The following CDH6 variants were observed in gnomAD, a reference collection of about 807,000 sequenced individuals.
The protein encoded by CDH6 is cadherin-6.
Under a neutral mutation model 78.0 loss-of-function variants are expected in CDH6, and 31 were observed. The ratio of observed to expected loss-of-function variants is 0.40; its 90% CI spans 0.30 to 0.54. The LOEUF (loss-of-function observed/expected upper bound fraction) is 0.54. Among genes scored for constraint, CDH6 ranks in the 20% least tolerant of loss-of-function variants. The pLI, the probability that CDH6 is intolerant of heterozygous loss-of-function variation, is 0.56. For synonymous variants in CDH6, 376 were observed against 368.8 expected, an observed-to-expected ratio of 1.02 and a Z score of -0.23; for missense variants, 724 against 975.9, an observed-to-expected ratio of 0.74 and a Z score of 3.44.
intron 1 of CDH6, among the ~76,000 whole-genome samples, chr5:31,194,089 T>C (rs1401485697): frequency 6.6e-6 from 1 of 151,656 alleles, no homozygotes; most frequent in African/African-American, 2.4e-5. Flanking sequence ...CTGCCGCTGC[T>C]CAGGACCGAC....
chr5:31,311,617 GAAGAA>G (rs1252150448), intron 7 of CDH6, among the ~76,000 whole-genome samples: 1 of 152,186 alleles, frequency 6.6e-6, no homozygotes, highest in Admixed American at 6.5e-5. Flanking sequence ...CGTAATTTGT[GAAGAA>G]AAGAGGCTTA....
intron 1 of CDH6, among the ~76,000 whole-genome samples, chr5:31,213,324 G>A (rs972679805): frequency 1.3e-5 from 2 of 152,188 alleles, no homozygotes; most frequent in Non-Finnish European, 2.9e-5. Context: ...TTTACTGCAA[G>A]GATGAAATGC....
At chr5:31,244,909 A>G (rs1748900506) in intron 1 of CDH6, among the ~76,000 whole-genome samples, 1 of 152,226 alleles carries the variant, frequency 6.6e-6, no homozygotes, top group South Asian at 2.1e-4. Flanking sequence ...CTCTAATCAT[A>G]TACTGAGCCC....
intron 7 of CDH6, among the ~76,000 whole-genome samples, chr5:31,312,019 A>G (rs1465419206): frequency 6.6e-6 from 1 of 152,152 alleles, no homozygotes; most frequent in Non-Finnish European, 1.5e-5. Flanking sequence ...TTTCCCTCAA[A>G]TTTATTCAAA....
chr5:31,276,281 G>A (rs1303409192), intron 2 of CDH6, among the ~76,000 whole-genome samples: 1 of 152,082 alleles, frequency 6.6e-6, no homozygotes, highest in Non-Finnish European at 1.5e-5. Flanking sequence ...ATTCTCAAAG[G>A]CCCATGTAAG....
intron 7 of CDH6, among the ~76,000 whole-genome samples, chr5:31,309,606 C>T (rs1291225426): frequency 6.7e-6 from 1 of 149,120 alleles, no homozygotes; most frequent in Non-Finnish European, 1.5e-5. Context: ...TAATACCCCA[C>T]CCCCACCCTG....
At chr5:31,321,165 C>T (rs1279413500) in intron 11 of CDH6, among the ~76,000 whole-genome samples, 1 of 147,958 alleles carries the variant, frequency 6.8e-6, no homozygotes, top group Non-Finnish European at 1.5e-5. Flanking sequence ...CCCCACCCCA[C>T]CCACCCACTC....
chr5:31,290,889 A>G (rs912142261), intron 2 of CDH6, among the ~76,000 whole-genome samples: 2 of 152,180 alleles, frequency 1.3e-5, no homozygotes, highest in African/African-American at 4.8e-5. Context: ...GATAAATCAG[A>G]ATTGTGATCT....
At chr5:31,321,909 C>A (rs190339386) in intron 11 of CDH6, among the ~76,000 whole-genome samples, 1 of 152,076 alleles carries the variant, frequency 6.6e-6, no homozygotes, top group African/African-American at 2.4e-5. Context: ...ACCCATATGT[C>A]CATTCATAGA....
chr5:31,201,623 T>C (rs1740351009), intron 1 of CDH6, among the ~76,000 whole-genome samples: 1 of 152,152 alleles, frequency 6.6e-6, no homozygotes, highest in African/African-American at 2.4e-5. Flanking sequence ...GGCAAGTAAC[T>C]CAATGTCAAT....
intron 5 of CDH6, among the ~76,000 whole-genome samples, chr5:31,300,203 C>T (rs1435876340): frequency 1.3e-5 from 2 of 152,148 alleles, no homozygotes; most frequent in Non-Finnish European, 2.9e-5. Context: ...GAAGGAAAAA[C>T]AACCTCCATG....
Position 31,269,992 on chromosome 5 carries a change from T to C in CDH6, c.228+2291T>C, listed in dbSNP as rs1158168976. 1.3e-5 allele frequency among the ~76,000 whole-genome samples: 2 copies of C among 152,202 alleles called. 1 individual carries two copies. Among genetic ancestry groups the C allele is most frequent in the Non-Finnish European group, 2.9e-5 (2 of 68,040 alleles). On this transcript the variant is annotated intron_variant, in intron 2 of 11. Transcript: ENST00000265071. ...CTGTTGATATGGCATTTCCTCAAAT[T>C]CCTCTTTGAAGTTATATGATATAAA...
At chr5:31,270,834 T>TA (rs1405581971) in intron 2 of CDH6, among the ~76,000 whole-genome samples, 1 of 152,106 alleles carries the variant, frequency 6.6e-6, no homozygotes, top group Non-Finnish European at 1.5e-5. Flanking sequence ...TAGCTGAGAC[T>TA]ACAGACATGA....
intron 1 of CDH6, among the ~76,000 whole-genome samples, chr5:31,209,800 G>T (rs1316390170): frequency 6.6e-6 from 1 of 152,114 alleles, no homozygotes; most frequent in Non-Finnish European, 1.5e-5. Flanking sequence ...TCTCCCTCCT[G>T]CTATCCTCAG....
At chr5:31,212,774 ACAC>A (rs1379502592) in intron 1 of CDH6, among the ~76,000 whole-genome samples, 1 of 152,042 alleles carries the variant, frequency 6.6e-6, no homozygotes, top group Non-Finnish European at 1.5e-5. Context: ...ACACACACAC[ACAC>A]ACACACACAG....
chr5:31,308,767 G>A (rs1738065967), intron 7 of CDH6, among the ~76,000 whole-genome samples: 1 of 151,966 alleles, frequency 6.6e-6, no homozygotes, highest in Non-Finnish European at 1.5e-5. Context: ...TACCCTTTAT[G>A]TCAAGGTTTG....
chr5:31,283,002 TGGA>T (rs1364427345), intron 2 of CDH6, among the ~76,000 whole-genome samples: 4 of 152,066 alleles, frequency 2.6e-5, no homozygotes, highest in African/African-American at 9.7e-5. Flanking sequence ...GAAGGATGGA[TGGA>T]TGGATGGATG....
At position 31,324,764 on chromosome 5, in the gene CDH6, A is replaced by G. The variant is rs944463738; in HGVS notation, c.*1456A>G. On this transcript the variant is annotated 3_prime_UTR_variant, in exon 12 of 12. Transcript: ENST00000265071. ...TCATAGTTATTATCCAGAGGACCCA[A>G]CTGAACTGAACTAATCCTTCTGGCA... The G allele has an allele frequency of 9.7e-5, 20 of 206,624 alleles. No individual in the cohort carries two copies. Among genetic ancestry groups the G allele is most frequent in the African/African-American group, 4.1e-4 (18 of 43,904 alleles). 12.8% of individuals were successfully genotyped at this position (206,624 alleles called of 1,614,324 possible). A position where few individuals can be genotyped will look rare whatever the true frequency, so the allele number is the denominator to read the frequency against.
chr5:31,241,200 T>A (rs1340466561), intron 1 of CDH6, among the ~76,000 whole-genome samples: 2 of 152,206 alleles, frequency 1.3e-5, no homozygotes, highest in East Asian at 3.9e-4. Context: ...CCATCAATAC[T>A]CTCTGTGTGG....
Sources: allele counts gnomAD v4.1 joint callset (sites outside exome capture counted in the v4.1 genomes callset), GRCh38; gene constraint gnomAD v4.1.1; transcripts MANE v1.5; gene names NCBI Gene and HGNC (gene_info 2026-07-23, HGNC 2026-07-21).